RORA: variants seen among roughly 807,000 people sequenced by gnomAD.
RORA encodes the protein RAR related orphan receptor A, also known as nuclear receptor ROR-alpha.
Under a neutral mutation model 69.5 loss-of-function variants are expected in RORA, and 7 were observed. The observed-to-expected ratio is 0.10, with a 90% confidence interval of 0.06 to 0.19. RORA has a LOEUF of 0.19. RORA is among the 10% of genes least tolerant of loss of function. RORA has a pLI of 1.00. For synonymous variants in RORA, 261 were observed against 240.8 expected, an observed-to-expected ratio of 1.08 and a Z score of -0.78; for missense variants, 457 against 663.0, an observed-to-expected ratio of 0.69 and a Z score of 3.41.
intron 1 of RORA, among the ~76,000 whole-genome samples, chr15:61,103,273 G>C (rs994766002): frequency 1.3e-5 from 2 of 152,178 alleles, no homozygotes; most frequent in Admixed American, 1.3e-4. Flanking sequence ...CTTTGGGGCA[G>C]GCAGGAGGGA....
chr15:60,912,470 C>A (rs1891757279), intron 1 of RORA, among the ~76,000 whole-genome samples: 2 of 152,046 alleles, frequency 1.3e-5, no homozygotes, highest in South Asian at 4.2e-4. Flanking sequence ...AAAATCACCA[C>A]CTCGCCGGGC....
At chr15:60,582,439 C>T (rs1000085110) in intron 2 of RORA, among the ~76,000 whole-genome samples, 1 of 152,180 alleles carries the variant, frequency 6.6e-6, no homozygotes, top group South Asian at 2.1e-4. Flanking sequence ...AAGTCCAACC[C>T]TTTAACTTTA....
At chr15:60,830,225 G>A (rs1380171383) in intron 1 of RORA, among the ~76,000 whole-genome samples, 2 of 152,124 alleles carry the variant, frequency 1.3e-5, no homozygotes, top group Non-Finnish European at 2.9e-5. Flanking sequence ...ATAGAAGAAA[G>A]AATTATTTAT....
intron 2 of RORA, among the ~76,000 whole-genome samples, chr15:60,632,108 C>G (rs1288468163): frequency 9.4e-6 from 1 of 105,858 alleles, no homozygotes; most frequent in Non-Finnish European, 1.8e-5. Flanking sequence ...TGTTTCACTA[C>G]CTATTTTTTT....
intron 2 of RORA, among the ~76,000 whole-genome samples, chr15:60,533,592 A>G (rs151204983): frequency 2.0e-5 from 3 of 152,346 alleles, no homozygotes; most frequent in South Asian, 4.1e-4. Context: ...ACTCTAGAGA[A>G]AGCGAGTTAC....
intron 1 of RORA, among the ~76,000 whole-genome samples, chr15:61,163,736 T>C (rs1398424662): frequency 6.6e-6 from 1 of 152,126 alleles, no homozygotes; most frequent in African/African-American, 2.4e-5. Context: ...AAATCTGGTG[T>C]CATCTTCTCA....
intron 1 of RORA, among the ~76,000 whole-genome samples, chr15:60,878,433 CAGAG>C (rs2073643764): frequency 6.6e-6 from 1 of 151,168 alleles, no homozygotes; most frequent in African/African-American, 2.4e-5. Context: ...TCTGGGGACA[CAGAG>C]AGAGCTACAA....
intron 1 of RORA, among the ~76,000 whole-genome samples, chr15:60,985,541 A>G (rs1894172445): frequency 6.6e-6 from 1 of 151,376 alleles, no homozygotes; most frequent in Admixed American, 6.6e-5. Context: ...TTTTTCTCAC[A>G]TACGAAAAAT....
intron 1 of RORA, among the ~76,000 whole-genome samples, chr15:61,212,337 G>A (rs2080000649): frequency 6.6e-6 from 1 of 152,132 alleles, no homozygotes. Context: ...AAAGTGAAAT[G>A]CAACCCGAAA....
chr15:61,019,203 G>A (rs1183350810), intron 1 of RORA, among the ~76,000 whole-genome samples: 1 of 152,184 alleles, frequency 6.6e-6, no homozygotes, highest in African/African-American at 2.4e-5. Flanking sequence ...GCTCCACGCA[G>A]CTCCTCTGAA....
At chr15:60,808,542 CCAGCAAT>C (rs1484764643) in intron 1 of RORA, among the ~76,000 whole-genome samples, 1 of 151,960 alleles carries the variant, frequency 6.6e-6, no homozygotes, top group Non-Finnish European at 1.5e-5. Context: ...ACCATTTGAT[CCAGCAAT>C]CCTACCACTA....
At chr15:60,926,543 A>G (rs1490818456) in intron 1 of RORA, among the ~76,000 whole-genome samples, 1 of 152,234 alleles carries the variant, frequency 6.6e-6, no homozygotes. Flanking sequence ...CTTCTCAGAG[A>G]GGGTATTTGG....
intron 1 of RORA, among the ~76,000 whole-genome samples, chr15:60,808,216 C>A (rs895404818): frequency 6.6e-6 from 1 of 151,636 alleles, no homozygotes; most frequent in Non-Finnish European, 1.5e-5. Flanking sequence ...AACAAATGAG[C>A]AAGAAAAAAA....
rs376757434 is a variant in RORA at position 60,594,970 on chromosome 15, C to T, written c.197-63119G>A. ...CTATTAAATGTCTTCAGCTTTTAAC[C>T]CAGGTTATATTACTGTTCTTTATAT... On this transcript the variant is annotated intron_variant, in intron 2 of 10. Coordinates refer to ENST00000335670, the MANE Select transcript of RORA (RefSeq NM_134261.3). Among the ~76,000 whole-genome samples the T allele has an allele frequency of 5.3e-5, 8 of 151,984 alleles. No individual in the cohort carries two copies. The East Asian group carries it at 1.5e-3, about 29-fold the overall frequency.
At chr15:60,810,353 T>A (rs1458688998) in intron 1 of RORA, among the ~76,000 whole-genome samples, 3 of 152,166 alleles carry the variant, frequency 2.0e-5, no homozygotes, top group Non-Finnish European at 4.4e-5. Flanking sequence ...TGATCTTTTA[T>A]ACAAAAGCTG....
chr15:60,846,639 A>C (rs1307191558), intron 1 of RORA, among the ~76,000 whole-genome samples: 1 of 152,214 alleles, frequency 6.6e-6, no homozygotes, highest in Non-Finnish European at 1.5e-5. Context: ...ACTACATATC[A>C]AAAATGGTCA....
intron 1 of RORA, among the ~76,000 whole-genome samples, chr15:60,901,990 A>G (rs913178015): frequency 2.6e-5 from 4 of 152,354 alleles, no homozygotes; most frequent in African/African-American, 9.6e-5. Context: ...TGCAATGTCC[A>G]GGGTGCCTCA....
At chr15:61,168,525 C>T (rs556561245) in intron 1 of RORA, among the ~76,000 whole-genome samples, 2 of 152,192 alleles carry the variant, frequency 1.3e-5, no homozygotes, top group Admixed American at 6.5e-5. Flanking sequence ...TCCCAAAGTG[C>T]TGGGATTACA....
At chr15:60,847,587 A>G (rs960082992) in intron 1 of RORA, among the ~76,000 whole-genome samples, 1 of 152,054 alleles carries the variant, frequency 6.6e-6, no homozygotes, top group African/African-American at 2.4e-5. Flanking sequence ...GCCACCAACC[A>G]TATGTAGCTG....
Sources: allele counts gnomAD v4.1 joint callset (sites outside exome capture counted in the v4.1 genomes callset), GRCh38; gene constraint gnomAD v4.1.1; transcripts MANE v1.5; gene names NCBI Gene and HGNC (gene_info 2026-07-23, HGNC 2026-07-21).